The following SLC16A7 variants were observed in gnomAD, a reference collection of about 807,000 sequenced individuals.
The protein encoded by SLC16A7 is monocarboxylate transporter 2.
Under a neutral mutation model 34.9 loss-of-function variants are expected in SLC16A7, and 33 were observed. The observed-to-expected ratio is 0.94, with a 90% CI of 0.72 to 1.26. The LOEUF is 1.26. Among genes scored for constraint, SLC16A7 ranks in the 50% most tolerant of loss-of-function variants. SLC16A7 has a pLI of 0.00. For missense variants in SLC16A7, 573 were observed against 578.1 expected (o/e 0.99, Z 0.09); for synonymous variants, 201 against 206.6 (o/e 0.97, Z 0.23).
At chr12:59,730,921 G>C (rs1289506663) in intron 3 of SLC16A7, among the ~76,000 whole-genome samples, 1 of 152,012 alleles carries the variant, frequency 6.6e-6, no homozygotes, top group Non-Finnish European at 1.5e-5. Flanking sequence ...CAAGATCTTT[G>C]CACTACCGAG....
chr12:59,779,751 A>C lies in SLC16A7; in HGVS notation c.*72A>C. The C allele has an allele frequency of 7.8e-7, 1 of 1,278,796 alleles. No homozygotes were observed. Among genetic ancestry groups the C allele is most frequent in the Non-Finnish European group, 1.1e-6 (1 of 930,212 alleles). The allele number at this position is 1,278,796 out of a possible 1,614,324, so 79.2% of individuals were successfully genotyped here. A position where few individuals can be genotyped will look rare whatever the true frequency, so the allele number is the denominator to read the frequency against. On this transcript the variant is annotated 3_prime_UTR_variant, in exon 6 of 6. Transcript: ENST00000547379. ...TTTGTTTTTCATTTTGTTTTTTTAAAGTATTAGAAAAGGTTTTAGCTGAAA... is the reference window on the plus strand; with the variant it reads ...TTTGTTTTTCATTTTGTTTTTTTAACGTATTAGAAAAGGTTTTAGCTGAAA...
At chr12:59,744,971 G>A (rs1379135448) in intron 3 of SLC16A7, among the ~76,000 whole-genome samples, 2 of 152,140 alleles carry the variant, frequency 1.3e-5, no homozygotes, top group Non-Finnish European at 2.9e-5. Flanking sequence ...CCCATCAAAG[G>A]TGTCAGGGAA....
chr12:59,729,534 AT>A (rs771027888), intron 3 of SLC16A7, among the ~76,000 whole-genome samples: 2 of 151,950 alleles, frequency 1.3e-5, no homozygotes, highest in Non-Finnish European at 2.9e-5. Context: ...TAATCCTTTC[AT>A]TGCACCTGTG....
intron 5 of SLC16A7, among the ~76,000 whole-genome samples, chr12:59,777,688 A>G (rs962966277): frequency 5.3e-5 from 8 of 151,548 alleles, no homozygotes; most frequent in South Asian, 2.1e-4. Flanking sequence ...GTTTTAGGGT[A>G]TATGTGCACA....
intron 1 of SLC16A7, among the ~76,000 whole-genome samples, chr12:59,639,542 C>A (rs1592422071): frequency 6.6e-6 from 1 of 152,034 alleles, no homozygotes; most frequent in African/African-American, 2.4e-5. Flanking sequence ...AGCCACCATG[C>A]CTGGCTAATT....
intron 1 of SLC16A7, among the ~76,000 whole-genome samples, chr12:59,610,684 G>T (rs759154820): frequency 9.9e-5 from 15 of 152,152 alleles, no homozygotes; most frequent in Non-Finnish European, 1.6e-4. Flanking sequence ...AGACAGTTTA[G>T]CTCTTAACTC....
chr12:59,764,880 T>C (rs1881425695), intron 3 of SLC16A7, among the ~76,000 whole-genome samples: 1 of 152,194 alleles, frequency 6.6e-6, no homozygotes, highest in Admixed American at 6.5e-5. Context: ...ATGGTATTTC[T>C]AGTTCTAGAT....
At chr12:59,769,936 A>G (rs763877088) in intron 3 of SLC16A7, among the ~76,000 whole-genome samples, 12 of 152,134 alleles carry the variant, frequency 7.9e-5, no homozygotes, top group Non-Finnish European at 1.5e-4. Flanking sequence ...AGAATGAAAT[A>G]TGAAAGCAAG....
chr12:59,633,946 C>T (rs949224607), intron 1 of SLC16A7, among the ~76,000 whole-genome samples: 4 of 152,080 alleles, frequency 2.6e-5, no homozygotes, highest in African/African-American at 9.7e-5. Flanking sequence ...CAGAGCCAAA[C>T]CATATCACTC....
intron 2 of SLC16A7, 148 bp from the exon 3 acceptor site, chr12:59,704,623 TG>T (rs1297702725): frequency 7.1e-5 from 37 of 517,964 alleles, no homozygotes; most frequent in Non-Finnish European, 1.2e-4. Context: ...GTACATTTTC[TG>T]GTAATTTTCT....
chr12:59,645,468 C>G (rs1372525991), intron 1 of SLC16A7, among the ~76,000 whole-genome samples: 1 of 152,090 alleles, frequency 6.6e-6, no homozygotes. Flanking sequence ...TTGCTTGTGT[C>G]ACATTCTTCT....
chr12:59,669,239 T>C (rs1027151049), intron 2 of SLC16A7, among the ~76,000 whole-genome samples: 2 of 152,208 alleles, frequency 1.3e-5, no homozygotes, highest in African/African-American at 4.8e-5. Context: ...TATAAATACA[T>C]GTGAATCATA....
chr12:59,749,171 C>T (rs1879223804), intron 3 of SLC16A7, among the ~76,000 whole-genome samples: 1 of 152,294 alleles, frequency 6.6e-6, no homozygotes, highest in Non-Finnish European at 1.5e-5. Context: ...TAGGAAGGGA[C>T]AGGCTAACTG....
intron 2 of SLC16A7, among the ~76,000 whole-genome samples, chr12:59,665,263 G>A (rs1257638286): frequency 6.6e-6 from 1 of 151,958 alleles, no homozygotes; most frequent in Non-Finnish European, 1.5e-5. Context: ...ACATTATATA[G>A]TGTGCCAAGT....
intron 1 of SLC16A7, among the ~76,000 whole-genome samples, chr12:59,644,239 C>T (rs1469447686): frequency 6.6e-6 from 1 of 152,090 alleles, no homozygotes; most frequent in Non-Finnish European, 1.5e-5. Context: ...ATGTTAACGA[C>T]AACCTAGACC....
At chr12:59,662,362 A>C (rs1323414734) in intron 2 of SLC16A7, among the ~76,000 whole-genome samples, 2 of 152,108 alleles carry the variant, frequency 1.3e-5, no homozygotes, top group Non-Finnish European at 2.9e-5. Context: ...AACCTATTCC[A>C]AGGGCACACA....
At chr12:59,694,473 A>C (rs147249860) in intron 2 of SLC16A7, among the ~76,000 whole-genome samples, 393 of 152,100 alleles carry the variant, frequency 2.6e-3, no homozygotes, top group South Asian at 0.01. Flanking sequence ...TGCCTTAAAT[A>C]TATCCACATC....
At chr12:59,750,323 A>G (rs1879373225) in intron 3 of SLC16A7, among the ~76,000 whole-genome samples, 2 of 152,206 alleles carry the variant, frequency 1.3e-5, no homozygotes, top group African/African-American at 4.8e-5. Context: ...CCATCCGACA[A>G]AGGGCTAGTA....
intron 1 of SLC16A7, among the ~76,000 whole-genome samples, chr12:59,632,257 C>T (rs1880216168): frequency 6.6e-6 from 1 of 151,910 alleles, no homozygotes. Context: ...GACTTTTATG[C>T]ACTTTTAACA....
Sources: gnomAD v4.1 joint callset for allele counts (sites outside exome capture counted in the v4.1 genomes callset) on GRCh38, gnomAD v4.1.1 for gene constraint, MANE v1.5 for transcripts, NCBI Gene and HGNC (gene_info 2026-07-23, HGNC 2026-07-21) for gene names.